The following TMEM51 variants were observed in gnomAD, a reference collection of about 807,000 sequenced individuals.
TMEM51 encodes transmembrane protein 51, also known as chromosome 1 open reading frame 72.
A neutral mutation model predicts 13.6 loss-of-function variants in TMEM51; 8 were observed. That is an observed-to-expected ratio of 0.59 (90% confidence interval 0.35 to 1.07). The LOEUF is 1.07. TMEM51 is among the 50% of genes least tolerant of loss of function. The pLI, the probability that TMEM51 is intolerant of heterozygous loss-of-function variation, is 0.02. For synonymous variants in TMEM51, 147 were observed against 144.4 expected (o/e 1.02, Z -0.13); for missense variants, 279 against 330.7 (o/e 0.84, Z 1.21).
intron 1 of TMEM51, among the ~76,000 whole-genome samples, chr1:15,173,214 C>CTTTT (rs3078132): frequency 4.1e-5 from 4 of 97,010 alleles, no homozygotes; most frequent in African/African-American, 1.2e-4. Context: ...TGATCATATT[C>CTTTT]TTTTTTTTTT....
chr1:15,162,936 G>A (rs1642837865), intron 1 of TMEM51, among the ~76,000 whole-genome samples: 1 of 152,000 alleles, frequency 6.6e-6, no homozygotes, highest in Non-Finnish European at 1.5e-5. Flanking sequence ...ATGCATGATG[G>A]TGATGGTTGC....
intron 2 of TMEM51, among the ~76,000 whole-genome samples, chr1:15,212,318 A>C (rs937129175): frequency 1.3e-5 from 2 of 152,228 alleles, no homozygotes; most frequent in African/African-American, 4.8e-5. Flanking sequence ...TCAGACAAAA[A>C]GAATGTATTA....
intron 1 of TMEM51, among the ~76,000 whole-genome samples, chr1:15,166,250 C>A (rs748403775): frequency 6.6e-6 from 1 of 152,192 alleles, no homozygotes. Context: ...ACAGGGATTA[C>A]TGCCAGGCAA....
intron 1 of TMEM51, among the ~76,000 whole-genome samples, chr1:15,200,095 G>T (rs1644125916): frequency 6.6e-6 from 1 of 152,112 alleles, no homozygotes; most frequent in African/African-American, 2.4e-5. Flanking sequence ...GAATGGGATT[G>T]CATTTGGAGA....
At chr1:15,197,954 C>CAAAAAA (rs34377131) in intron 1 of TMEM51, among the ~76,000 whole-genome samples, 1 of 96,238 alleles carries the variant, frequency 1.0e-5, no homozygotes, top group Non-Finnish European at 2.1e-5. Context: ...CTATACATGA[C>CAAAAAA]AAAAAAAAAA....
At chr1:15,197,513 C>T (rs1326800559) in intron 1 of TMEM51, among the ~76,000 whole-genome samples, 1 of 152,130 alleles carries the variant, frequency 6.6e-6, no homozygotes, top group African/African-American at 2.4e-5. Flanking sequence ...TGCATCTTTA[C>T]CCAGGCCATC....
intron 1 of TMEM51, among the ~76,000 whole-genome samples, chr1:15,154,876 G>A (rs1172809035): frequency 6.6e-6 from 1 of 151,750 alleles, no homozygotes; most frequent in African/African-American, 2.4e-5. Context: ...GAACCCGGGC[G>A]CTGCCGGAGT....
At position 15,219,760 on chromosome 1, in the gene TMEM51, C is replaced by T. The variant is rs372702854; in HGVS notation, c.*17C>T. The stretch of plus-strand genomic sequence containing the variant: ...CCCGACTGAATGGCCCCACTTGAGC[C>T]ACGCTCCCTCCTGTCTCTCACACCT... On this transcript the variant is annotated 3_prime_UTR_variant, in exon 4 of 4. Coordinates refer to ENST00000376008, the MANE Select transcript of TMEM51 (RefSeq NM_001136218.2). The T allele has an allele frequency of 1.6e-5, 25 of 1,609,052 alleles. 1 individual carries two copies. Among genetic ancestry groups the T allele is most frequent in the East Asian group, 1.1e-4 (5 of 44,862 alleles).
At chr1:15,174,172 G>A (rs975399097) in intron 1 of TMEM51, among the ~76,000 whole-genome samples, 4 of 152,322 alleles carry the variant, frequency 2.6e-5, no homozygotes, top group African/African-American at 9.6e-5. Context: ...TGAGCATTGG[G>A]CATCTCTGAA....
chr1:15,190,857 G>A (rs1033372004), intron 1 of TMEM51, among the ~76,000 whole-genome samples: 1 of 152,012 alleles, frequency 6.6e-6, no homozygotes, highest in Non-Finnish European at 1.5e-5. Flanking sequence ...GCCCTATTTC[G>A]GTTCACTGCG....
Position 15,219,992 on chromosome 1 carries a change from G to A in TMEM51, c.*249G>A. ...GGTGAATCTGTGGACCACATTCAAG[G>A]GTGTGGCACAGGCATCTTCCCATCC... is the stretch of plus-strand genomic sequence containing the variant. On this transcript the variant is annotated 3_prime_UTR_variant, in exon 4 of 4. Transcript: ENST00000376008. The A allele has an allele frequency of 1.9e-6, 1 of 524,198 alleles. No homozygotes were observed. Among genetic ancestry groups the A allele is most frequent in the Non-Finnish European group, 3.4e-6 (1 of 295,036 alleles). 32.5% of individuals were successfully genotyped at this position (524,198 alleles called of 1,614,324 possible).
At chr1:15,215,764 CTCCTGTAATT>C (rs1352243055) in intron 3 of TMEM51, among the ~76,000 whole-genome samples, 1 of 152,188 alleles carries the variant, frequency 6.6e-6, no homozygotes, top group Non-Finnish European at 1.5e-5. Flanking sequence ...CAGTGGCTCA[CTCCTGTAATT>C]CCAGAACTTT....
intron 1 of TMEM51, among the ~76,000 whole-genome samples, chr1:15,177,758 G>A (rs750792775): frequency 2.1e-4 from 32 of 152,108 alleles, no homozygotes; most frequent in Non-Finnish European, 4.3e-4. Flanking sequence ...TAAGAACACC[G>A]GTGTTAAACC....
intron 1 of TMEM51, among the ~76,000 whole-genome samples, chr1:15,182,925 G>A (rs1463087014): frequency 1.3e-5 from 2 of 152,160 alleles, no homozygotes; most frequent in Non-Finnish European, 2.9e-5. Flanking sequence ...ACCACACCCA[G>A]CTAATTTTTG....
chr1:15,191,123 G>A (rs540378984), intron 1 of TMEM51, among the ~76,000 whole-genome samples: 5 of 152,308 alleles, frequency 3.3e-5, no homozygotes, highest in African/African-American at 1.2e-4. Flanking sequence ...CAGGCAGGCC[G>A]GAGTCAGAGA....
chr1:15,213,648 C>G (rs1287441881), intron 2 of TMEM51, among the ~76,000 whole-genome samples: 1 of 152,146 alleles, frequency 6.6e-6, no homozygotes, highest in Non-Finnish European at 1.5e-5. Flanking sequence ...GCTGGCTGCT[C>G]CCTTTAGCGC....
At chr1:15,198,122 G>A (rs1256696819) in intron 1 of TMEM51, among the ~76,000 whole-genome samples, 4 of 152,102 alleles carry the variant, frequency 2.6e-5, no homozygotes, top group Non-Finnish European at 4.4e-5. Context: ...TCACATCCTA[G>A]TATGGCTGCT....
At chr1:15,215,475 C>A in intron 3 of TMEM51, 44 bp downstream of exon 3, 1 of 1,496,598 alleles carries the variant, frequency 6.7e-7, no homozygotes, top group Non-Finnish European at 9.0e-7. Flanking sequence ...CGGGGATGGG[C>A]ACGCACGCAT....
At position 15,182,275 on chromosome 1, in the gene TMEM51, T is replaced by C. The variant is rs1439053126; in HGVS notation, c.-266-28215T>C. Among the ~76,000 whole-genome samples the C allele has an allele frequency of 3.5e-4, 53 of 152,204 alleles. 1 individual carries two copies. The highest frequency in any genetic ancestry group is 3.5e-3 in the Admixed American group (53 of 15,282). On this transcript the variant is annotated intron_variant, in intron 1 of 3. Transcript: ENST00000376008. ...ATCCCTTCTGGAGTCAAATCCCTGC[T>C]CTCTTCTTGGCTGCATGACCTTGAG...
Sources: gnomAD v4.1 joint callset for allele counts (sites outside exome capture counted in the v4.1 genomes callset) on GRCh38, gnomAD v4.1.1 for gene constraint, MANE v1.5 for transcripts, NCBI Gene and HGNC (gene_info 2026-07-23, HGNC 2026-07-21) for gene names.